The following IL17RA variants were observed in gnomAD, a reference collection of about 807,000 sequenced individuals.
The protein encoded by IL17RA is interleukin 17 receptor A, also known as interleukin-17 receptor A.
A neutral mutation model predicts 50.4 loss-of-function variants in IL17RA; 34 were observed. The ratio of observed to expected loss-of-function variants is 0.67; its 90% CI spans 0.51 to 0.90. The LOEUF is 0.90. Among genes scored for constraint, IL17RA ranks in the 40% least tolerant of loss-of-function variants. The probability of loss-of-function intolerance (pLI) is 0.00; values close to 1 mark genes in which losing one functional copy is unlikely to be tolerated. For synonymous variants in IL17RA, 585 were observed against 510.4 expected, an observed-to-expected ratio of 1.15 and a Z score of -1.97; for missense variants, 1,276 against 1,169.8, an observed-to-expected ratio of 1.09 and a Z score of -1.32.
rs1405082639 is a variant in IL17RA, at chr22:17,102,239, G to A, written c.699G>A (p.Leu233=). The A allele has an allele frequency of 6.2e-7, 1 of 1,614,082 alleles. No individual in the cohort carries two copies. Among genetic ancestry groups the A allele is most frequent in the Non-Finnish European group, 8.5e-7 (1 of 1,180,040 alleles). ...LWNESTHYQI[L]LTSFPHMENH... is the part of the protein sequence containing the mutation. ...ACGAATCTACCCATTACCAGATCCT[G>A]CTGACCAGTTTTCCGCACATGGAGA... The change falls in exon 7 of 13, where the codon CTG becomes CTA. Residue 233 remains leucine (L), a synonymous_variant. Transcript: ENST00000319363.
rs117341644 is a variant in IL17RA, at chr22:17,114,539, C to G, written c.*4719C>G. ...GATGAGTTCGCTCACTGGATCCTTCCTCTCTGATGAGACAGGAAGAAGGTA... is the reference window on the plus strand; with the variant it reads ...GATGAGTTCGCTCACTGGATCCTTCGTCTCTGATGAGACAGGAAGAAGGTA... On this transcript the variant is annotated 3_prime_UTR_variant, in exon 13 of 13. Coordinates refer to ENST00000319363, the MANE Select transcript of IL17RA (RefSeq NM_014339.7). The G allele has an allele frequency of 6.6e-6, 1 of 152,366 alleles. No homozygotes were observed. The highest frequency in any genetic ancestry group is 1.5e-5 in the Non-Finnish European group (1 of 68,062). The allele number at this position is 152,366 out of a possible 1,614,324, so 9.4% of individuals were successfully genotyped here.
At chr22:17,100,588 T>C in intron 5 of IL17RA, 107 bp downstream of exon 5, 1 of 1,421,876 alleles carries the variant, frequency 7.0e-7, no homozygotes, top group Non-Finnish European at 9.8e-7. Context: ...TTGGCTGGCA[T>C]TGCCAGCACC....
intron 7 of IL17RA, 90 bp downstream of exon 7, chr22:17,102,392 G>T: frequency 7.0e-7 from 1 of 1,432,110 alleles, no homozygotes. Flanking sequence ...ACAGAACCGC[G>T]TTGCTAGAAG....
At chr22:17,100,947 C>G (rs1308735237) in intron 5 of IL17RA, among the ~76,000 whole-genome samples, 3 of 152,182 alleles carry the variant, frequency 2.0e-5, no homozygotes, top group African/African-American at 7.2e-5. Flanking sequence ...TGCCTATCCA[C>G]ACTGCCTGTG....
chr22:17,094,710 T>TATATATATATATATATAC, intron 1 of IL17RA, among the ~76,000 whole-genome samples: 1 of 114,244 alleles, frequency 8.8e-6, no homozygotes, highest in Non-Finnish European at 1.8e-5. Flanking sequence ...TATATATATA[T>TATATATATATATATATAC]ATATATATTC....
rs1315603062 is a variant in IL17RA, at chr22:17,109,074, A to G, written c.1855A>G (p.Lys619Glu). The G allele has an allele frequency of 1.9e-6, 3 of 1,580,102 alleles. No homozygotes were observed. The highest frequency in any genetic ancestry group is 2.6e-6 in the Non-Finnish European group (3 of 1,171,664). The change falls in exon 13 of 13, where the codon AAG becomes GAG. Residue 619 changes from lysine (K) to glutamate (E), a missense_variant. Transcript: ENST00000319363. ...GCTGCCTCCGGGAACCGGCATCGTG[A>G]AGCGGGCGCCCCTGGTGCGCGAGCC... is the stretch of plus-strand genomic sequence containing the variant. ...PLLPPGTGIV[K>E]RAPLVREPGS...
rs1456474302 is a variant in IL17RA at position 17,111,595 on chromosome 22, A to T, written c.*1775A>T. ...CTGGCTTCAGGGTCCTGAAGAACAC[A>T]TTGAGGTGCCGTCTGACACTGGAAT... On this transcript the variant is annotated 3_prime_UTR_variant, in exon 13 of 13. Transcript: ENST00000319363. 1 of 152,146 alleles carries T rather than the reference A, an allele frequency of 6.6e-6. No individual in the cohort carries two copies. The highest frequency in any genetic ancestry group is 1.5e-5 in the Non-Finnish European group (1 of 68,024). The allele number at this position is 152,146 out of a possible 1,614,324, so 9.4% of individuals were successfully genotyped here. A position where few individuals can be genotyped will look rare whatever the true frequency, so the allele number is the denominator to read the frequency against.
intron 1 of IL17RA, among the ~76,000 whole-genome samples, chr22:17,096,593 G>A (rs184930327): frequency 1.2e-4 from 19 of 152,162 alleles, no homozygotes; most frequent in Admixed American, 2.6e-4. Context: ...TTCCTGTGCC[G>A]GGCGCGGTGG....
rs773129313 is a variant in IL17RA at position 17,085,074 on chromosome 22, C to T, written c.-18C>T. 2 of 1,300,996 alleles carry T rather than the reference C, an allele frequency of 1.5e-6. No individual in the cohort carries two copies. The highest frequency in any genetic ancestry group is 4.4e-5 in the South Asian group (2 of 45,542). The allele number at this position is 1,300,996 out of a possible 1,614,324, so 80.6% of individuals were successfully genotyped here. On this transcript the variant is annotated 5_prime_UTR_variant, in exon 1 of 13. Transcript: ENST00000319363. ...CGTCCCCAGCCGGGGCCGAGCCCTC[C>T]GCGACGCCAGCCGGGCCATGGGGGC...
chr22:17,092,622 G>C (rs2061351925), intron 1 of IL17RA, among the ~76,000 whole-genome samples: 1 of 152,158 alleles, frequency 6.6e-6, no homozygotes, highest in Admixed American at 6.5e-5. Flanking sequence ...GAAGTCTTCT[G>C]TGACTTCTGT....
rs147965632 is a variant in IL17RA at position 17,108,598 on chromosome 22, G to A, written c.1379G>A (p.Gly460Asp). 56 of 1,604,476 alleles carry A rather than the reference G, an allele frequency of 3.5e-5. No individual in the cohort carries two copies. The highest frequency in any genetic ancestry group is 4.7e-5 in the Non-Finnish European group (55 of 1,179,560). ...CGCGCCAAGTGGCAGGCGCTCCTGG[G>A]CCGGGGGGCGCCTGTGCGGCTGCGC... ...GTRAKWQALL[G>D]RGAPVRLRCD... Residue 460 changes from glycine (G) to aspartate (D), a missense_variant, in exon 13 of 13, where the codon GGC (glycine) becomes GAC (aspartate). By Grantham distance (94) the Gly-to-Asp change is moderately conservative (BLOSUM62 -1). Transcript: ENST00000319363.
At chr22:17,101,719 C>G (rs2123802164) in intron 5 of IL17RA, among the ~76,000 whole-genome samples, 1 of 152,278 alleles carries the variant, frequency 6.6e-6, no homozygotes, top group African/African-American at 2.4e-5. Flanking sequence ...TGTGGGTGGG[C>G]AGAGAAGGAA....
chr22:17,105,789 T>C, intron 10 of IL17RA, 64 bp from the exon 11 acceptor site: 1 of 1,477,908 alleles, frequency 6.8e-7, no homozygotes, highest in South Asian at 1.1e-5. Context: ...GGAGCAGGGC[T>C]GGGGGCCTCA....
chr22:17,094,224 G>A (rs1427151269), intron 1 of IL17RA, among the ~76,000 whole-genome samples: 2 of 151,994 alleles, frequency 1.3e-5, no homozygotes, highest in Non-Finnish European at 2.9e-5. Context: ...GACTTCAGGT[G>A]ATCCACCTAC....
chr22:17,094,671 C>CTATATATATATATATATGTGTG (rs1568917407), intron 1 of IL17RA, among the ~76,000 whole-genome samples: 5 of 40,764 alleles, frequency 1.2e-4, no homozygotes, highest in Non-Finnish European at 2.0e-4. Flanking sequence ...CTCTCTCTCT[C>CTATATATATATATATATGTGTG]TCTCTCTCTC....
At chr22:17,107,582 G>A (rs2061419550) in intron 11 of IL17RA, 145 bp from the exon 12 acceptor site, 2 of 729,098 alleles carry the variant, frequency 2.7e-6, no homozygotes, top group Non-Finnish European at 5.0e-6. Flanking sequence ...ATGCCTGTGC[G>A]ACCACCTAGC....
rs1157226315 is a variant in IL17RA, at chr22:17,109,745, G to A, written c.2526G>A (p.Gln842=). The stretch of plus-strand genomic sequence containing the variant: ...AGAGCCTGAGGAGCCTCCAGCGGCA[G>A]CTGCTTTTCCGCCAGCTGCAGAAGA... ...DLESLRSLQR[Q]LLFRQLQKNS... The change falls in exon 13 of 13, where the codon CAG becomes CAA. Residue 842 remains glutamine, a synonymous_variant. Transcript: ENST00000319363. 1.3e-6 allele frequency: 2 copies of A among 1,562,578 alleles called. No homozygotes were observed. The highest frequency in any genetic ancestry group is 1.7e-6 in the Non-Finnish European group (2 of 1,153,922).
At chr22:17,085,423 GCGGT>G (rs756049572) in intron 1 of IL17RA, 194 bp downstream of exon 1, 102 of 703,832 alleles carry the variant, frequency 1.4e-4, no homozygotes, top group Admixed American at 2.5e-4. Context: ...GGTGGGAGTT[GCGGT>G]GTGGAATACG....
rs1358137864 is a variant in IL17RA, at chr22:17,109,652, G to A, written c.2433G>A (p.Met811Ile). Reference sequence around the variant, plus strand: ...AGCCCCCCGAGGGACTCACGGAAATGGAGGAAGAGGAGGAAGAGGAGCAGG... The same window carrying A: ...AGCCCCCCGAGGGACTCACGGAAATAGAGGAAGAGGAGGAAGAGGAGCAGG... Reference protein sequence around the residue: ...SPQPPEGLTEMEEEEEEEQDP... With the variant: ...SPQPPEGLTEIEEEEEEEQDP... Residue 811 changes from methionine (M) to isoleucine (I), a missense_variant, in exon 13 of 13, where the codon ATG becomes ATA. Coordinates refer to ENST00000319363, the MANE Select transcript of IL17RA (RefSeq NM_014339.7). 4 of 1,600,526 alleles carry A rather than the reference G, an allele frequency of 2.5e-6. No individual in the cohort carries two copies. Among genetic ancestry groups the A allele is most frequent in the South Asian group, 1.1e-5 (1 of 88,968 alleles).
Sources: gnomAD v4.1 joint callset for allele counts (sites outside exome capture counted in the v4.1 genomes callset) on GRCh38, gnomAD v4.1.1 for gene constraint, MANE v1.5 for transcripts, NCBI Gene and HGNC (gene_info 2026-07-23, HGNC 2026-07-21) for gene names.